CDH12: variants seen among roughly 807,000 people sequenced by gnomAD.
CDH12 encodes cadherin-12.
In CDH12, 41 loss-of-function variants were observed where a neutral mutation model predicts 74.1. The ratio of observed to expected loss-of-function variants is 0.55; its 90% confidence interval spans 0.43 to 0.72. The LOEUF (loss-of-function observed/expected upper bound fraction) is 0.72. Ranked by LOEUF, CDH12 falls within the 30% of genes least tolerant of loss-of-function variation. The probability of loss-of-function intolerance (pLI) is 0.00; values close to 1 mark genes in which losing one functional copy is unlikely to be tolerated. For missense variants in CDH12, 945 were observed against 977.2 expected (o/e 0.97, Z 0.44); for synonymous variants, 399 against 355.0 (o/e 1.12, Z -1.39).
At chr5:22,826,720 TG>T (rs921857566) in intron 1 of CDH12, among the ~76,000 whole-genome samples, 17 of 152,198 alleles carry the variant, frequency 1.1e-4, no homozygotes, top group African/African-American at 3.1e-4. Context: ...GGTGGCATTT[TG>T]CCCCTGCCCA....
In CDH12 at chr5:22,669,608, C is replaced by G. The variant is rs141491801; in HGVS notation, c.-522-164244G>C. ...GGTCTTGTTCTGTCTAAATGGCAGA[C>G]TTGGTCTGCATGAACTTTTGTCATT... On this transcript the variant is annotated intron_variant, in intron 1 of 14. Transcript: ENST00000382254. 2.9e-4 allele frequency among the ~76,000 whole-genome samples: 44 copies of G among 152,298 alleles called. No individual in the cohort carries two copies. The East Asian group carries it at 4.8e-3, about 17-fold the overall frequency.
chr5:22,635,470 CA>C (rs1561542617), intron 1 of CDH12, among the ~76,000 whole-genome samples: 1 of 151,770 alleles, frequency 6.6e-6, no homozygotes, highest in Admixed American at 6.6e-5. Context: ...ACCTAAGAAA[CA>C]AAAAAAGTTG....
chr5:21,988,356 G>C (rs941845480), intron 5 of CDH12, among the ~76,000 whole-genome samples: 4 of 151,986 alleles, frequency 2.6e-5, no homozygotes, highest in African/African-American at 4.8e-5. Flanking sequence ...GCCAGGTGTG[G>C]TGACGGACGC....
At chr5:21,826,114 C>A (rs1256081965) in intron 8 of CDH12, among the ~76,000 whole-genome samples, 3 of 152,144 alleles carry the variant, frequency 2.0e-5, no homozygotes, top group Non-Finnish European at 4.4e-5. Flanking sequence ...AACTTCATCT[C>A]TCCCTTTTGC....
chr5:21,854,296 G>A (rs1750635275), intron 7 of CDH12, among the ~76,000 whole-genome samples: 1 of 151,568 alleles, frequency 6.6e-6, no homozygotes. Context: ...GCTCCAGGAT[G>A]TTACCATGTA....
intron 1 of CDH12, among the ~76,000 whole-genome samples, chr5:22,820,883 A>G (rs1337352141): frequency 6.6e-6 from 1 of 152,182 alleles, no homozygotes; most frequent in Non-Finnish European, 1.5e-5. Context: ...AACTCATTTT[A>G]TGAGGCCAGC....
intron 4 of CDH12, among the ~76,000 whole-genome samples, chr5:22,211,694 C>A (rs1751552909): frequency 6.6e-6 from 1 of 151,598 alleles, no homozygotes; most frequent in Admixed American, 6.6e-5. Flanking sequence ...TGGATAATTG[C>A]CCTAAATGAT....
At chr5:22,175,143 C>T (rs1171887627) in intron 4 of CDH12, among the ~76,000 whole-genome samples, 1 of 151,956 alleles carries the variant, frequency 6.6e-6, no homozygotes, top group Admixed American at 6.6e-5. Flanking sequence ...AATGCTTTTA[C>T]TTTGTGAATT....
At chr5:22,847,600 A>G (rs1737363873) in intron 1 of CDH12, among the ~76,000 whole-genome samples, 1 of 152,194 alleles carries the variant, frequency 6.6e-6, no homozygotes, top group Non-Finnish European at 1.5e-5. Context: ...AGCTCTTTCC[A>G]TTACATTTAA....
chr5:22,111,117 T>A (rs1336562680), intron 4 of CDH12, among the ~76,000 whole-genome samples: 2 of 152,168 alleles, frequency 1.3e-5, no homozygotes, highest in Non-Finnish European at 2.9e-5. Context: ...CTTCAAAATG[T>A]TCCCCAAATC....
chr5:22,586,818 C>T (rs895642003), intron 1 of CDH12, among the ~76,000 whole-genome samples: 1 of 146,992 alleles, frequency 6.8e-6, no homozygotes, highest in Admixed American at 6.9e-5. Context: ...ATCCCCAATG[C>T]AACAGAGTTT....
chr5:22,700,782 C>T (rs971302054), intron 1 of CDH12, among the ~76,000 whole-genome samples: 2 of 152,216 alleles, frequency 1.3e-5, no homozygotes, highest in East Asian at 1.9e-4. Flanking sequence ...ATTCTAATGC[C>T]TCTCTATATC....
intron 6 of CDH12, among the ~76,000 whole-genome samples, chr5:21,880,338 T>C (rs1050468511): frequency 5.9e-5 from 9 of 152,240 alleles, no homozygotes; most frequent in Non-Finnish European, 1.2e-4. Context: ...ACTGGAGTCA[T>C]GCTTATGTCT....
chr5:21,885,763 C>T (rs1023352915), intron 6 of CDH12, among the ~76,000 whole-genome samples: 3 of 152,102 alleles, frequency 2.0e-5, no homozygotes, highest in African/African-American at 7.2e-5. Context: ...TCTACTATAT[C>T]ATCAGTGCTT....
intron 3 of CDH12, among the ~76,000 whole-genome samples, chr5:22,218,004 C>T (rs111331956): frequency 2.6e-5 from 4 of 151,498 alleles, no homozygotes; most frequent in African/African-American, 9.6e-5. Context: ...AACTATTTAA[C>T]TATATATTTA....
intron 2 of CDH12, among the ~76,000 whole-genome samples, chr5:22,486,659 G>C (rs1746615000): frequency 6.6e-6 from 1 of 151,884 alleles, no homozygotes; most frequent in Admixed American, 6.6e-5. Context: ...TCTCCATATT[G>C]GTCAGGCTGG....
chr5:21,811,330 G>T (rs967025599), intron 9 of CDH12, among the ~76,000 whole-genome samples: 42 of 151,858 alleles, frequency 2.8e-4, no homozygotes. Flanking sequence ...TTATTATTTT[G>T]GATAACAAGT....
chr5:22,575,323 T>C (rs1739728765), intron 1 of CDH12, among the ~76,000 whole-genome samples: 1 of 152,164 alleles, frequency 6.6e-6, no homozygotes, highest in African/African-American at 2.4e-5. Context: ...CATCCTTTCA[T>C]AAAGCTGATC....
chr5:21,822,870 T>C (rs1056529666), intron 8 of CDH12, among the ~76,000 whole-genome samples: 5 of 152,158 alleles, frequency 3.3e-5, no homozygotes, highest in Admixed American at 2.6e-4. Flanking sequence ...ATAGCAATAT[T>C]TCTTGTCTCT....
Sources: allele counts gnomAD v4.1 joint callset (sites outside exome capture counted in the v4.1 genomes callset), GRCh38; gene constraint gnomAD v4.1.1; transcripts MANE v1.5; gene names NCBI Gene and HGNC (gene_info 2026-07-23, HGNC 2026-07-21).